NRP1: variants seen among roughly 807,000 people sequenced by gnomAD.
The protein encoded by NRP1 is neuropilin 1.
In NRP1, 35 loss-of-function variants were observed where a neutral mutation model predicts 106.7. That is an observed-to-expected ratio of 0.33 (90% CI 0.25 to 0.43). The LOEUF (loss-of-function observed/expected upper bound fraction) is 0.43. Ranked by LOEUF, NRP1 falls within the 20% of genes least tolerant of loss-of-function variation. NRP1 has a pLI of 1.00. For missense variants in NRP1, 1,024 were observed against 1,170.4 expected (o/e 0.87, Z 1.83); for synonymous variants, 437 against 417.9 (o/e 1.05, Z -0.56).
chr10:33,265,582 AC>A, intron 3 of NRP1, among the ~76,000 whole-genome samples: 1 of 152,194 alleles, frequency 6.6e-6, no homozygotes, highest in Admixed American at 6.5e-5. Context: ...TGTTGAGAAA[AC>A]AAATCAATCC....
At position 33,179,119 on chromosome 10, in the gene NRP1, T is replaced by G. The variant is rs191006414; in HGVS notation, c.*957A>C. On this transcript the variant is annotated 3_prime_UTR_variant, in exon 17 of 17. Coordinates refer to ENST00000374867, the MANE Select transcript of NRP1 (RefSeq NM_003873.7). ...TACAAAAGGGTCAAGAAACATGAAA[T>G]TGAACTACAGAAAAAGCAGAACAAT... 2 of 152,660 alleles carry G rather than the reference T, an allele frequency of 1.3e-5. No homozygotes were observed. The highest frequency in any genetic ancestry group is 6.5e-5 in the Admixed American group (1 of 15,288). The allele number at this position is 152,660 out of a possible 1,614,324, so 9.5% of individuals were successfully genotyped here.
chr10:33,323,080 C>T (rs1420034611), intron 2 of NRP1, among the ~76,000 whole-genome samples: 1 of 152,048 alleles, frequency 6.6e-6, no homozygotes, highest in East Asian at 1.9e-4. Flanking sequence ...CAGCAAGAGC[C>T]CGGCATAGGT....
chr10:33,213,574 C>T lies in NRP1; in HGVS notation c.1426G>A (p.Ala476Thr), dbSNP rs564902260. Residue 476 changes from alanine (A) to threonine (T), a missense_variant, in exon 9 of 17, where the codon GCA becomes ACA. Physicochemically the swap from Ala to Thr is moderately conservative, Grantham distance 58 (BLOSUM62 0). Coordinates refer to ENST00000374867, the MANE Select transcript of NRP1 (RefSeq NM_003873.7). Reference sequence around the variant, plus strand: ...CACTCATTGATGTAGGAATGAGGTGCGGGTGGAAGTGCCCAGCCAGAGCGA... The same window carrying T: ...CACTCATTGATGTAGGAATGAGGTGTGGGTGGAAGTGCCCAGCCAGAGCGA... ...TSRSGWALPP[A>T]PHSYINEWLQ... 10 of 1,613,986 alleles carry T rather than the reference C, an allele frequency of 6.2e-6. No individual in the cohort carries two copies. Among genetic ancestry groups the T allele is most frequent in the Admixed American group, 3.3e-5 (2 of 60,006 alleles).
chr10:33,192,559 AGG>A, intron 12 of NRP1, 141 bp from the exon 13 acceptor site: 1 of 835,336 alleles, frequency 1.2e-6, no homozygotes, highest in Non-Finnish European at 1.8e-6. Context: ...CAGGAAAGCC[AGG>A]ATTACCAAGA....
intron 2 of NRP1, among the ~76,000 whole-genome samples, chr10:33,283,601 A>G (rs1054710921): frequency 7.9e-5 from 12 of 152,248 alleles, no homozygotes; most frequent in Non-Finnish European, 1.8e-4. Flanking sequence ...TTTATTGTCT[A>G]GCCAGTAGTT....
intron 2 of NRP1, among the ~76,000 whole-genome samples, chr10:33,289,763 C>T (rs755771984): frequency 9.2e-5 from 14 of 152,136 alleles, no homozygotes; most frequent in Non-Finnish European, 1.3e-4. Flanking sequence ...AATTAGGCAC[C>T]AAGCATCAAA....
intron 6 of NRP1, among the ~76,000 whole-genome samples, chr10:33,229,597 T>C (rs1426455003): frequency 2.0e-5 from 3 of 152,190 alleles, no homozygotes; most frequent in Non-Finnish European, 2.9e-5. Flanking sequence ...TAGAACTTCA[T>C]TCCCTGGTTG....
chr10:33,192,194 A>G (rs1338501646), intron 13 of NRP1, 87 bp downstream of exon 13: 3 of 1,435,766 alleles, frequency 2.1e-6, no homozygotes, highest in East Asian at 4.7e-5. Context: ...CCCTAAATTC[A>G]CAGACATTAG....
At chr10:33,266,309 G>A (rs908665921) in intron 3 of NRP1, among the ~76,000 whole-genome samples, 1 of 152,152 alleles carries the variant, frequency 6.6e-6, no homozygotes, top group Non-Finnish European at 1.5e-5. Context: ...TCCATGGGGC[G>A]ATGGACAAGA....
At chr10:33,291,720 C>T (rs954899111) in intron 2 of NRP1, among the ~76,000 whole-genome samples, 7 of 151,928 alleles carry the variant, frequency 4.6e-5, no homozygotes, top group Non-Finnish European at 1.0e-4. Context: ...ACACAGATTG[C>T]GAAGTGTTTT....
intron 12 of NRP1, chr10:33,194,682 G>A: frequency 2.0e-6 from 1 of 502,296 alleles, no homozygotes. Flanking sequence ...CATGTAACTT[G>A]TGGCAATTTG....
chr10:33,291,885 T>C (rs1042687942), intron 2 of NRP1, among the ~76,000 whole-genome samples: 1 of 152,130 alleles, frequency 6.6e-6, no homozygotes, highest in African/African-American at 2.4e-5. Flanking sequence ...AGTTAGGTTT[T>C]TTTGTCTGTT....
chr10:33,206,215 C>A (rs1423966081), intron 10 of NRP1: 1 of 519,032 alleles, frequency 1.9e-6, no homozygotes, highest in South Asian at 1.4e-5. Flanking sequence ...GGAGCAGACT[C>A]CTTTTCCAGA....
At chr10:33,243,629 TA>T (rs1841191048) in intron 6 of NRP1, among the ~76,000 whole-genome samples, 1 of 27,876 alleles carries the variant, frequency 3.6e-5, no homozygotes, top group Non-Finnish European at 5.8e-5. Flanking sequence ...AATAATGCCA[TA>T]CATAAGTGCA....
At chr10:33,237,761 C>T (rs1840696014) in intron 6 of NRP1, among the ~76,000 whole-genome samples, 2 of 151,796 alleles carry the variant, frequency 1.3e-5, no homozygotes, top group South Asian at 4.2e-4. Context: ...GGGGTTGTGT[C>T]CTGTTGGCCA....
rs1343522633 is a variant in NRP1, at chr10:33,270,749, A to G, written c.356T>C (p.Leu119Pro). The change falls in exon 3 of 17, where the codon CTT (leucine) becomes CCT (proline). Residue 119 changes from leucine (L) to proline (P), a missense_variant. Coordinates refer to ENST00000374867, the MANE Select transcript of NRP1 (RefSeq NM_003873.7). ...GTAGTCAGAGACAAATTTGATAAAA[A>G]GAAATGGCCCTGAAGACACAACAGG... is the stretch of plus-strand genomic sequence containing the variant. ...PPPVVSSGPF[L>P]FIKFVSDYET... is the part of the protein sequence containing the mutation. 2 of 1,614,002 alleles carry G rather than the reference A, an allele frequency of 1.2e-6. No individual in the cohort carries two copies. The highest frequency in any genetic ancestry group is 1.7e-6 in the Non-Finnish European group (2 of 1,180,000).
At chr10:33,265,297 G>A (rs1243993493) in intron 3 of NRP1, among the ~76,000 whole-genome samples, 2 of 152,156 alleles carry the variant, frequency 1.3e-5, no homozygotes, top group African/African-American at 4.8e-5. Context: ...GATCAAATCT[G>A]GGGGTGTTCA....
chr10:33,311,141 A>G (rs1846581646), intron 2 of NRP1, among the ~76,000 whole-genome samples: 1 of 152,182 alleles, frequency 6.6e-6, no homozygotes. Context: ...GAATACGCAT[A>G]TGCTAGTCAA....
intron 2 of NRP1, among the ~76,000 whole-genome samples, chr10:33,293,794 G>T (rs979318050): frequency 6.6e-5 from 10 of 152,158 alleles, no homozygotes; most frequent in Admixed American, 6.5e-4. Context: ...AAACTTAGCT[G>T]ATTTGCATAA....
Sources: allele counts gnomAD v4.1 joint callset (sites outside exome capture counted in the v4.1 genomes callset), GRCh38; gene constraint gnomAD v4.1.1; transcripts MANE v1.5; gene names NCBI Gene and HGNC (gene_info 2026-07-23, HGNC 2026-07-21).